The following LRP1B variants were observed in gnomAD, a reference collection of about 807,000 sequenced individuals.
The protein encoded by LRP1B is LDL receptor related protein 1B, also known as low-density lipoprotein receptor-related protein 1B.
In LRP1B, 217 loss-of-function variants were observed where a neutral mutation model predicts 556.6. The observed-to-expected ratio is 0.39, with a 90% CI of 0.35 to 0.44. The LOEUF (loss-of-function observed/expected upper bound fraction) is 0.44, where lower values mean the gene tolerates loss of function less well. Among genes scored for constraint, LRP1B ranks in the 20% least tolerant of loss-of-function variants. LRP1B has a pLI of 1.00. For synonymous variants in LRP1B, 2,047 were observed against 1,865.8 expected (o/e 1.10, Z -2.50); for missense variants, 5,053 against 5,620.8 (o/e 0.90, Z 3.23).
rs562393496 is a variant in LRP1B at position 140,867,585 on chromosome 2, C to G, written c.4579+5G>C. On this transcript the variant is annotated splice_donor_5th_base_variant and intron_variant, in intron 27 of 90. Coordinates refer to ENST00000389484, the MANE Select transcript of LRP1B (RefSeq NM_018557.3). Reference sequence around the variant, plus strand: ...TGGTTAATCCATAAGTGAACAAGCACTTACCCTGTGGCTGGCGACTGGGAT... The same window carrying G: ...TGGTTAATCCATAAGTGAACAAGCAGTTACCCTGTGGCTGGCGACTGGGAT... 2 of 1,610,974 alleles carry G rather than the reference C, an allele frequency of 1.2e-6. No individual in the cohort carries two copies. Among genetic ancestry groups the G allele is most frequent in the Admixed American group, 1.7e-5 (1 of 59,782 alleles).
At chr2:142,061,330 C>A (rs1704900826) in intron 1 of LRP1B, among the ~76,000 whole-genome samples, 1 of 151,956 alleles carries the variant, frequency 6.6e-6, no homozygotes, top group Non-Finnish European at 1.5e-5. Context: ...CACTTGGTTT[C>A]AATCATACCT....
intron 7 of LRP1B, among the ~76,000 whole-genome samples, chr2:141,169,800 CA>C (rs574461113): frequency 0.091 from 7,937 of 87,410 alleles, 229 homozygotes; most frequent in South Asian, 0.15. Context: ...ACACCTTAAC[CA>C]AAAAAAAAAA....
intron 1 of LRP1B, among the ~76,000 whole-genome samples, chr2:141,966,344 A>T (rs1701565618): frequency 6.6e-6 from 1 of 151,852 alleles, no homozygotes; most frequent in Admixed American, 6.6e-5. Flanking sequence ...AAAGCCTGTA[A>T]TGGAAAAGGG....
chr2:141,832,274 A>G (rs966369317), intron 1 of LRP1B, among the ~76,000 whole-genome samples: 1 of 150,720 alleles, frequency 6.6e-6, no homozygotes, highest in Non-Finnish European at 1.5e-5. Flanking sequence ...ATTAGAATTG[A>G]CCTTGAAAAT....
At chr2:142,029,370 T>C (rs1559031737) in intron 1 of LRP1B, among the ~76,000 whole-genome samples, 2 of 151,960 alleles carry the variant, frequency 1.3e-5, no homozygotes, top group Admixed American at 1.3e-4. Context: ...TGGCCAAGCA[T>C]CAATACATAC....
At chr2:140,846,696 G>T (rs957763221) in intron 29 of LRP1B, among the ~76,000 whole-genome samples, 10 of 152,052 alleles carry the variant, frequency 6.6e-5, no homozygotes, top group Admixed American at 1.3e-4. Flanking sequence ...AGAAAATAAA[G>T]TCTCTCAAGA....
intron 7 of LRP1B, among the ~76,000 whole-genome samples, chr2:141,085,043 CT>C: frequency 6.7e-6 from 1 of 149,034 alleles, no homozygotes; most frequent in Admixed American, 6.9e-5. Flanking sequence ...GTTTTCAAAC[CT>C]TAAATTCAAG....
intron 1 of LRP1B, among the ~76,000 whole-genome samples, chr2:142,021,322 G>A (rs200945751): frequency 0.038 from 5,397 of 141,678 alleles, 218 homozygotes; most frequent in East Asian, 0.17. Context: ...GTATGTGCGT[G>A]TGTGTGTGTG....
At chr2:141,273,283 T>C (rs919912980) in intron 3 of LRP1B, among the ~76,000 whole-genome samples, 1 of 151,580 alleles carries the variant, frequency 6.6e-6, no homozygotes, top group Non-Finnish European at 1.5e-5. Context: ...CACTCCAGCC[T>C]GGGCCACACA....
chr2:140,507,062 T>C (rs1254079746), intron 52 of LRP1B, 144 bp from the exon 53 acceptor site: 1 of 672,512 alleles, frequency 1.5e-6, no homozygotes, highest in Admixed American at 3.2e-5. Context: ...ATTCAATACA[T>C]CAGATAAGCT....
chr2:141,541,682 T>G (rs1304659882), intron 2 of LRP1B, among the ~76,000 whole-genome samples: 1 of 152,080 alleles, frequency 6.6e-6, no homozygotes, highest in Non-Finnish European at 1.5e-5. Flanking sequence ...CTTTGCAATC[T>G]ATAAACTAGA....
At chr2:141,439,451 A>T (rs1210619795) in intron 3 of LRP1B, among the ~76,000 whole-genome samples, 3 of 151,360 alleles carry the variant, frequency 2.0e-5, no homozygotes, top group Non-Finnish European at 2.9e-5. Flanking sequence ...AAAATTAATA[A>T]TTTTTTAAAA....
At chr2:141,863,041 G>A (rs1364788165) in intron 1 of LRP1B, among the ~76,000 whole-genome samples, 4 of 152,236 alleles carry the variant, frequency 2.6e-5, no homozygotes, top group African/African-American at 9.6e-5. Context: ...TGCTTATGGT[G>A]GTAAGCTTAA....
rs554807279 is a variant in LRP1B at position 140,816,368 on chromosome 2, G to A, written c.5210-2562C>T. On this transcript the variant is annotated intron_variant, in intron 31 of 90. Transcript: ENST00000389484. The stretch of plus-strand genomic sequence containing the variant: ...CTTGACCTCATGATCCACCTGCCTC[G>A]GCCTCCCAAACTGCTGGGATTACAG... 7.0e-4 allele frequency among the ~76,000 whole-genome samples: 106 copies of A among 151,930 alleles called. 1 individual carries two copies. The highest frequency in any genetic ancestry group is 2.4e-3 in the African/African-American group (101 of 41,444).
intron 3 of LRP1B, among the ~76,000 whole-genome samples, chr2:141,290,468 ATGT>A: frequency 6.6e-6 from 1 of 152,256 alleles, no homozygotes; most frequent in East Asian, 1.9e-4. Context: ...ACTTTATTCA[ATGT>A]TGTATTTATT....
chr2:140,726,244 G>A (rs939363442), intron 35 of LRP1B, among the ~76,000 whole-genome samples: 2 of 152,240 alleles, frequency 1.3e-5, no homozygotes, highest in Middle Eastern at 3.4e-3. Context: ...CAGAGAGGTT[G>A]ACTTGGTCTT....
At chr2:140,731,584 G>A (rs542877116) in intron 35 of LRP1B, among the ~76,000 whole-genome samples, 7 of 151,716 alleles carry the variant, frequency 4.6e-5, no homozygotes, top group South Asian at 2.1e-4. Flanking sequence ...CCTGGTCAAC[G>A]TGGTGAAACT....
chr2:140,587,304 C>T (rs1682025369), intron 43 of LRP1B, among the ~76,000 whole-genome samples: 1 of 152,068 alleles, frequency 6.6e-6, no homozygotes, highest in East Asian at 1.9e-4. Context: ...TGAAAAATGT[C>T]AAGGCTGAAA....
chr2:141,725,512 C>T (rs1341597386), intron 2 of LRP1B, among the ~76,000 whole-genome samples: 4 of 151,730 alleles, frequency 2.6e-5, no homozygotes, highest in African/African-American at 9.7e-5. Flanking sequence ...ATTAAAGTTG[C>T]AACAAGTAAT....
Sources: allele counts gnomAD v4.1 joint callset (sites outside exome capture counted in the v4.1 genomes callset), GRCh38; gene constraint gnomAD v4.1.1; transcripts MANE v1.5; gene names NCBI Gene and HGNC (gene_info 2026-07-23, HGNC 2026-07-21).